The following DERL1 variants were observed in gnomAD, a reference collection of about 807,000 sequenced individuals.
DERL1 encodes derlin 1.
In DERL1, 24 loss-of-function variants were observed where a neutral mutation model predicts 41.6. That is an observed-to-expected ratio of 0.58 (90% CI 0.42 to 0.81). The LOEUF (loss-of-function observed/expected upper bound fraction) is 0.81. Among genes scored for constraint, DERL1 ranks in the 30% least tolerant of loss-of-function variants. The probability of loss-of-function intolerance (pLI) is 0.00; values close to 1 mark genes in which losing one functional copy is unlikely to be tolerated. For synonymous variants in DERL1, 124 were observed against 112.5 expected (o/e 1.10, Z -0.65); for missense variants, 260 against 314.3 (o/e 0.83, Z 1.31).
At chr8:123,036,048 C>T (rs997115477) in intron 1 of DERL1, among the ~76,000 whole-genome samples, 1 of 152,040 alleles carries the variant, frequency 6.6e-6, no homozygotes, top group East Asian at 1.9e-4. Context: ...AAGGCCCCTT[C>T]CATTCATTTA....
chr8:123,031,500 G>A (rs1170710872), intron 1 of DERL1, among the ~76,000 whole-genome samples: 13 of 152,102 alleles, frequency 8.5e-5, no homozygotes, highest in Admixed American at 4.6e-4. Flanking sequence ...AGCCAAGATC[G>A]CGCCACTACA....
intron 2 of DERL1, among the ~76,000 whole-genome samples, chr8:123,029,284 C>G (rs553815544): frequency 6.6e-6 from 1 of 152,264 alleles, no homozygotes; most frequent in African/African-American, 2.4e-5. Context: ...CCTTGAATCT[C>G]CTATTCATCT....
intron 1 of DERL1, among the ~76,000 whole-genome samples, chr8:123,031,459 C>T (rs993140526): frequency 1.3e-5 from 2 of 152,118 alleles, no homozygotes; most frequent in Non-Finnish European, 2.9e-5. Flanking sequence ...GCAGGAGAAT[C>T]GCTTGAACCC....
intron 2 of DERL1, among the ~76,000 whole-genome samples, chr8:123,028,571 T>A (rs967914546): frequency 6.6e-6 from 1 of 152,160 alleles, no homozygotes; most frequent in Admixed American, 6.6e-5. Context: ...GACCACTGAA[T>A]TGTACACCTT....
chr8:123,021,250 C>T (rs1404039960), intron 6 of DERL1, among the ~76,000 whole-genome samples, 197 bp downstream of exon 6: 2 of 152,178 alleles, frequency 1.3e-5, no homozygotes, highest in Non-Finnish European at 2.9e-5. Flanking sequence ...AACAAAATCA[C>T]AACCATTCAA....
intron 1 of DERL1, among the ~76,000 whole-genome samples, chr8:123,037,687 A>C (rs1245506191): frequency 6.6e-6 from 1 of 152,246 alleles, no homozygotes; most frequent in Non-Finnish European, 1.5e-5. Context: ...TATGCAAAGG[A>C]GTTAAACAAA....
At chr8:123,037,804 T>C (rs936153115) in intron 1 of DERL1, among the ~76,000 whole-genome samples, 1 of 152,162 alleles carries the variant, frequency 6.6e-6, no homozygotes, top group Admixed American at 6.5e-5. Context: ...TTCAGTGACA[T>C]GACCTCAGGG....
chr8:123,015,325 A>G lies in DERL1; in HGVS notation c.*122T>C. On this transcript the variant is annotated 3_prime_UTR_variant, in exon 8 of 8. Transcript: ENST00000259512. ...CGGGATTTAAGAAACTTTGTCTCGT[A>G]CTGAAAGACTACATTCAGTGTGGGT... The G allele has an allele frequency of 7.9e-7, 1 of 1,264,640 alleles. No homozygotes were observed. Among genetic ancestry groups the G allele is most frequent in the Non-Finnish European group, 1.1e-6 (1 of 943,798 alleles). The allele number at this position is 1,264,640 out of a possible 1,614,324, so 78.3% of individuals were successfully genotyped here. A position where few individuals can be genotyped will look rare whatever the true frequency, so the allele number is the denominator to read the frequency against.
At chr8:123,015,694 T>C in intron 7 of DERL1, 109 bp from the exon 8 acceptor site, 1 of 1,393,600 alleles carries the variant, frequency 7.2e-7, no homozygotes, top group Non-Finnish European at 9.5e-7. Context: ...CCATGGCACT[T>C]GTCATGTTGA....
At chr8:123,025,436 T>A in intron 2 of DERL1, 1 of 171,984 alleles carries the variant, frequency 5.8e-6, no homozygotes, top group Non-Finnish European at 1.2e-5. Flanking sequence ...CGCCATGACC[T>A]GATGGCCGCA....
intron 1 of DERL1, among the ~76,000 whole-genome samples, chr8:123,039,924 A>C (rs568730454): frequency 3.1e-4 from 47 of 152,360 alleles, no homozygotes; most frequent in Middle Eastern, 3.4e-3. Context: ...TAGCAAGAAA[A>C]ATGAAGGATA....
chr8:123,039,684 A>T (rs148553876), intron 1 of DERL1, among the ~76,000 whole-genome samples: 3 of 152,212 alleles, frequency 2.0e-5, no homozygotes, highest in African/African-American at 7.2e-5. Flanking sequence ...CCCTTAAAAC[A>T]CGTGCCTCTA....
intron 2 of DERL1, among the ~76,000 whole-genome samples, chr8:123,027,389 G>A (rs1812724391): frequency 6.6e-6 from 1 of 151,762 alleles, no homozygotes; most frequent in South Asian, 2.1e-4. Flanking sequence ...GCTAATGGTA[G>A]GGTTTCTTTT....
intron 4 of DERL1, among the ~76,000 whole-genome samples, chr8:123,023,332 C>T (rs1019928863): frequency 1.3e-5 from 2 of 152,106 alleles, no homozygotes; most frequent in African/African-American, 4.8e-5. Context: ...CCGAGGCAGG[C>T]GGATCATGAG....
Position 123,038,218 on chromosome 8 carries a change from G to A in DERL1, c.153+3752C>T, listed in dbSNP as rs112827105. Among the ~76,000 whole-genome samples the A allele has an allele frequency of 1.4e-3, 206 of 152,314 alleles. 1 individual carries two copies. Among genetic ancestry groups the A allele is most frequent in the African/African-American group, 4.4e-3 (185 of 41,580 alleles). On this transcript the variant is annotated intron_variant, in intron 1 of 7. Coordinates refer to ENST00000259512, the MANE Select transcript of DERL1 (RefSeq NM_024295.6). ...ATCAATCACTCCCCCATTTTTGTAA[G>A]TTGTGAAAGATTCAGCTTCTAAGGA...
At chr8:123,024,813 G>A (rs554816139) in intron 3 of DERL1, among the ~76,000 whole-genome samples, 173 bp downstream of exon 3, 1 of 152,052 alleles carries the variant, frequency 6.6e-6, no homozygotes, top group Non-Finnish European at 1.5e-5. Flanking sequence ...CATCACTCAA[G>A]GGCTATATGA....
rs180827607 is a variant in DERL1 at position 123,021,377 on chromosome 8, G to A, written c.506+70C>T. 122 of 1,402,842 alleles carry A rather than the reference G, an allele frequency of 8.7e-5. 1 individual carries two copies. In the African/African-American group the frequency reaches 1.5e-3, roughly 17 times the overall value. 86.9% of individuals were successfully genotyped at this position (1,402,842 alleles called of 1,614,324 possible). On this transcript the variant is annotated intron_variant, in intron 6 of 7. Transcript: ENST00000259512. ...ATTCTTTAAAGTTGTATAAAGGTTA[G>A]AGAAAGATAAAAACTAATGGAAATT...
chr8:123,019,160 T>C (rs1415463499), intron 7 of DERL1, 35 bp downstream of exon 7: 1 of 1,422,792 alleles, frequency 7.0e-7, no homozygotes, highest in South Asian at 1.2e-5. Context: ...ACACAGGCAG[T>C]AAAATGTTAG....
intron 2 of DERL1, 23 bp from the exon 3 acceptor site, chr8:123,025,073 T>C: frequency 1.2e-6 from 2 of 1,610,828 alleles, no homozygotes; most frequent in Non-Finnish European, 8.5e-7. Flanking sequence ...ACAAGCCAAA[T>C]GTCATGGTTC....
Sources: gnomAD v4.1 joint callset for allele counts (sites outside exome capture counted in the v4.1 genomes callset) on GRCh38, gnomAD v4.1.1 for gene constraint, MANE v1.5 for transcripts, NCBI Gene and HGNC (gene_info 2026-07-23, HGNC 2026-07-21) for gene names.